The following BUB1B variants were observed in gnomAD, a reference collection of about 807,000 sequenced individuals.
The protein encoded by BUB1B is mitotic checkpoint serine/threonine-protein kinase BUB1 beta.
BUB1B carries 86 observed loss-of-function variants against 137.7 expected under a neutral mutation model. The ratio of observed to expected loss-of-function variants is 0.62; its 90% CI spans 0.52 to 0.75. BUB1B has a LOEUF of 0.75. Ranked by LOEUF, BUB1B falls within the 30% of genes least tolerant of loss-of-function variation. The probability of loss-of-function intolerance (pLI) is 0.00; values close to 1 mark genes in which losing one functional copy is unlikely to be tolerated. For synonymous variants in BUB1B, 420 were observed against 417.9 expected (o/e 1.00, Z -0.06); for missense variants, 1,130 against 1,236.9 (o/e 0.91, Z 1.30).
Position 40,205,671 on chromosome 15 carries a change from A to T in BUB1B, c.1735-513A>T, listed in dbSNP as rs376205077. 1.2e-4 allele frequency among the ~76,000 whole-genome samples: 19 copies of T among 152,332 alleles called. No homozygotes were observed. In the East Asian group the frequency reaches 3.7e-3, roughly 29 times the overall value. ...TTAAAGAATTTTTAATAGCATAGGA[A>T]GGAAGAAATACAAAAAGTATGAGAA... On this transcript the variant is annotated intron_variant, in intron 14 of 22. Coordinates refer to ENST00000287598, the MANE Select transcript of BUB1B (RefSeq NM_001211.6).
intron 14 of BUB1B, among the ~76,000 whole-genome samples, chr15:40,205,376 G>C (rs1172096839): frequency 6.6e-6 from 1 of 152,112 alleles, no homozygotes; most frequent in Non-Finnish European, 1.5e-5. Flanking sequence ...TATCCATATG[G>C]GTTAAATCAA....
intron 8 of BUB1B, among the ~76,000 whole-genome samples, chr15:40,193,794 G>A (rs1280231631): frequency 2.0e-5 from 3 of 151,862 alleles, no homozygotes; most frequent in African/African-American, 4.8e-5. Context: ...CTCGGGAGGC[G>A]GAGGCAGGAG....
intron 8 of BUB1B, among the ~76,000 whole-genome samples, chr15:40,192,412 T>C (rs1196230650): frequency 6.6e-6 from 1 of 152,216 alleles, no homozygotes; most frequent in Middle Eastern, 3.2e-3. Context: ...TAAAGTTCTT[T>C]GTTTACATTA....
chr15:40,167,147 C>A (rs532703294), intron 2 of BUB1B, among the ~76,000 whole-genome samples: 219 of 149,804 alleles, frequency 1.5e-3, no homozygotes, highest in Middle Eastern at 6.9e-3. Context: ...AATTTTTTTT[C>A]CCTCACCCAT....
chr15:40,196,715 TCTC>T lies in BUB1B; in HGVS notation c.1232_1234del (p.Ser411del), dbSNP rs1460333369. 2 of 1,613,958 alleles carry T rather than the reference TCTC, an allele frequency of 1.2e-6. No individual in the cohort carries two copies. The highest frequency in any genetic ancestry group is 1.7e-6 in the Non-Finnish European group (2 of 1,179,954). On this transcript the variant is annotated inframe_deletion, in exon 9 of 23. Transcript: ENST00000287598. The stretch of plus-strand genomic sequence containing the variant: ...AAGATTTATGCAGGAGTAGGGGAAT[TCTC>T]CTTTGAAGAAATTCGGGCTGAAGTT...
intron 14 of BUB1B, among the ~76,000 whole-genome samples, chr15:40,204,035 A>C (rs1182063359): frequency 6.6e-6 from 1 of 152,212 alleles, no homozygotes; most frequent in Non-Finnish European, 1.5e-5. Flanking sequence ...TGTATATTTT[A>C]TATCCAGTAA....
chr15:40,212,427 G>A, intron 18 of BUB1B, 72 bp from the exon 19 acceptor site: 3 of 1,147,762 alleles, frequency 2.6e-6, no homozygotes, highest in Non-Finnish European at 2.6e-6. Context: ...GGGCTGGAAG[G>A]AATGTGTTTC....
Position 40,185,083 on chromosome 15 carries a change from G to A in BUB1B, c.752-82G>A. 2.6e-6 allele frequency: 3 copies of A among 1,162,936 alleles called. No homozygotes were observed. In the South Asian group the frequency reaches 3.7e-5, roughly 14 times the overall value. 72.0% of individuals were successfully genotyped at this position (1,162,936 alleles called of 1,614,324 possible). On this transcript the variant is annotated intron_variant, in intron 6 of 22. Transcript: ENST00000287598. Reference sequence around the variant, plus strand: ...GTAGTGGAAATACTGTCCTTGAGTTGAGGAAGAATAGGTATACTTTATCTG... The same window carrying A: ...GTAGTGGAAATACTGTCCTTGAGTTAAGGAAGAATAGGTATACTTTATCTG...
At chr15:40,166,348 T>C in intron 2 of BUB1B, 1 of 442,082 alleles carries the variant, frequency 2.3e-6, no homozygotes. Flanking sequence ...TCTTTTTTTT[T>C]TTTCTTTTAG....
At chr15:40,215,661 C>G (rs1253402710) in intron 20 of BUB1B, among the ~76,000 whole-genome samples, 1 of 151,972 alleles carries the variant, frequency 6.6e-6, no homozygotes, top group Non-Finnish European at 1.5e-5. Context: ...CCCAGCTACT[C>G]AGGAGGCTGA....
chr15:40,161,886 G>A (rs1000190033), intron 1 of BUB1B, among the ~76,000 whole-genome samples: 2 of 152,164 alleles, frequency 1.3e-5, no homozygotes, highest in East Asian at 3.9e-4. Context: ...TAAGTGCTAT[G>A]TCATGGGCTC....
At chr15:40,219,718 T>C (rs540249332) in intron 22 of BUB1B, among the ~76,000 whole-genome samples, 921 of 77,662 alleles carry the variant, frequency 0.012, 7 homozygotes, top group African/African-American at 0.049. Context: ...AGACTCCGTC[T>C]CAAAAAAAAC....
intron 5 of BUB1B, among the ~76,000 whole-genome samples, chr15:40,181,000 A>G (rs2037285508): frequency 6.6e-6 from 1 of 151,726 alleles, no homozygotes; most frequent in African/African-American, 2.4e-5. Context: ...CCTGACCTAT[A>G]CATAATGTGT....
intron 21 of BUB1B, among the ~76,000 whole-genome samples, chr15:40,218,223 A>G (rs2037827807): frequency 6.6e-6 from 1 of 152,252 alleles, no homozygotes; most frequent in Non-Finnish European, 1.5e-5. Context: ...TGAATGTGAT[A>G]GTCCAAATAT....
Position 40,183,576 on chromosome 15 carries a change from A to T in BUB1B, c.582-138A>T, listed in dbSNP as rs1485307696. On this transcript the variant is annotated intron_variant, in intron 5 of 22. Transcript: ENST00000287598. ...GGTGACTCTCTTTACTTCTGAGAGA[A>T]TAAACATGTTCTTTGGGATATTTCT... is the stretch of plus-strand genomic sequence containing the variant. 6 of 788,084 alleles carry T rather than the reference A, an allele frequency of 7.6e-6. No homozygotes were observed. In the Admixed American group the frequency reaches 1.2e-4, roughly 16 times the overall value. 48.8% of individuals were successfully genotyped at this position (788,084 alleles called of 1,614,324 possible). A position where few individuals can be genotyped will look rare whatever the true frequency, so the allele number is the denominator to read the frequency against.
At chr15:40,177,046 A>T (rs759985383) in intron 5 of BUB1B, among the ~76,000 whole-genome samples, 7 of 152,204 alleles carry the variant, frequency 4.6e-5, no homozygotes, top group African/African-American at 1.7e-4. Context: ...GAATCGTATA[A>T]TATATAGCCT....
intron 14 of BUB1B, 45 bp downstream of exon 14, chr15:40,202,739 T>G: frequency 1.3e-6 from 2 of 1,515,202 alleles, no homozygotes; most frequent in Non-Finnish European, 1.8e-6. Flanking sequence ...GCTAGTGGAT[T>G]GTTTATTCAA....
chr15:40,211,949 C>T (rs553007657), intron 18 of BUB1B, among the ~76,000 whole-genome samples: 7 of 152,200 alleles, frequency 4.6e-5, no homozygotes, highest in Admixed American at 2.0e-4. Flanking sequence ...CAGCCTCCCG[C>T]GTAGCTGGGA....
At chr15:40,180,251 C>CTTTTTTTTTTTTTTTTTTTTTTT (rs34300396) in intron 5 of BUB1B, among the ~76,000 whole-genome samples, 1 of 90,496 alleles carries the variant, frequency 1.1e-5, no homozygotes, top group African/African-American at 4.4e-5. Context: ...CGTTTCGTTT[C>CTTTTTTTTTTTTTTTTTTTTTTT]TTTTTTTTTT....
Sources: allele counts gnomAD v4.1 joint callset (sites outside exome capture counted in the v4.1 genomes callset), GRCh38; gene constraint gnomAD v4.1.1; transcripts MANE v1.5; gene names NCBI Gene and HGNC (gene_info 2026-07-23, HGNC 2026-07-21).